The following MARCHF6 variants were observed in gnomAD, a reference collection of about 807,000 sequenced individuals.
The protein encoded by MARCHF6 is E3 ubiquitin-protein ligase MARCHF6.
MARCHF6 carries 31 observed loss-of-function variants against 133.7 expected under a neutral mutation model. That is an observed-to-expected ratio of 0.23 (90% confidence interval 0.17 to 0.31). The LOEUF (loss-of-function observed/expected upper bound fraction) is 0.31. Ranked by LOEUF, MARCHF6 falls within the 10% of genes least tolerant of loss-of-function variation. The probability of loss-of-function intolerance (pLI) is 1.00; values close to 1 mark genes in which losing one functional copy is unlikely to be tolerated. For synonymous variants in MARCHF6, 395 were observed against 402.5 expected (o/e 0.98, Z 0.22); for missense variants, 723 against 1,121.6 (o/e 0.64, Z 5.08).
chr5:10,356,588 G>T (rs1735490146), intron 1 of MARCHF6, among the ~76,000 whole-genome samples: 1 of 151,892 alleles, frequency 6.6e-6, no homozygotes, highest in African/African-American at 2.4e-5. Flanking sequence ...TAGAGATGGG[G>T]TTTCGCCATG....
In MARCHF6 at chr5:10,415,739, T is replaced by A. The variant is rs536240470; in HGVS notation, c.2148+70T>A. ...TGAATATTTTTCCAGTCATCTTAAA[T>A]TTTTTTTTTTGGCACATTTATTTCC... On this transcript the variant is annotated intron_variant, in intron 21 of 25. Transcript: ENST00000274140. 3.4e-4 allele frequency: 326 copies of A among 953,066 alleles called. No homozygotes were observed. The African/African-American group carries it at 4.8e-3, about 14-fold the overall frequency. 59.0% of individuals were successfully genotyped at this position (953,066 alleles called of 1,614,324 possible).
At chr5:10,385,222 G>A (rs945559319) in intron 4 of MARCHF6, among the ~76,000 whole-genome samples, 17 of 152,222 alleles carry the variant, frequency 1.1e-4, no homozygotes, top group African/African-American at 3.6e-4. Context: ...CTTCTGGGGA[G>A]CTGGAAGTGT....
chr5:10,383,674 A>G (rs1364460114), intron 4 of MARCHF6, among the ~76,000 whole-genome samples: 1 of 152,160 alleles, frequency 6.6e-6, no homozygotes, highest in East Asian at 1.9e-4. Context: ...ACTACCTTAA[A>G]CCTTTTTGAA....
chr5:10,415,768 C>T (rs938555061), intron 21 of MARCHF6, 99 bp downstream of exon 21: 34 of 998,288 alleles, frequency 3.4e-5, no homozygotes, highest in Middle Eastern at 6.2e-4. Flanking sequence ...TATTTCCTTA[C>T]TATATTGTTT....
At position 10,354,456 on chromosome 5, in the gene MARCHF6, G is replaced by C. The variant is rs1435536678; in HGVS notation, c.19+539G>C. On this transcript the variant is annotated intron_variant, in intron 1 of 25. Transcript: ENST00000274140. ...CTGGTCCTCGGCTTGCCTGCCGCTCGAGAATCTGTTTACTAAACGGGGAGG... is the reference window on the plus strand; with the variant it reads ...CTGGTCCTCGGCTTGCCTGCCGCTCCAGAATCTGTTTACTAAACGGGGAGG... 2.0e-5 allele frequency among the ~76,000 whole-genome samples: 3 copies of C among 152,282 alleles called. 1 individual carries two copies. The South Asian group carries it at 6.2e-4, about 32-fold the overall frequency.
chr5:10,423,397 A>G (rs937579944), intron 22 of MARCHF6, among the ~76,000 whole-genome samples: 1 of 152,260 alleles, frequency 6.6e-6, no homozygotes, highest in East Asian at 1.9e-4. Flanking sequence ...ACTTGAAACC[A>G]ATGAAATAGC....
At chr5:10,400,926 A>G (rs1738492794) in intron 11 of MARCHF6, 84 bp downstream of exon 11, 5 of 1,107,588 alleles carry the variant, frequency 4.5e-6, no homozygotes, top group East Asian at 4.8e-5. Context: ...AAAGAGTTAC[A>G]TCATTTCTTC....
chr5:10,368,340 A>G (rs945388719), intron 1 of MARCHF6, among the ~76,000 whole-genome samples: 1 of 152,180 alleles, frequency 6.6e-6, no homozygotes, highest in African/African-American at 2.4e-5. Context: ...TCAAAAGGTT[A>G]ATCACTTCTT....
intron 1 of MARCHF6, among the ~76,000 whole-genome samples, chr5:10,377,170 AC>A (rs1295590943): frequency 7.9e-5 from 12 of 151,802 alleles, no homozygotes; most frequent in African/African-American, 2.9e-4. Flanking sequence ...CGGTCCAAGG[AC>A]CCCTTAGCGC....
chr5:10,354,304 C>T (rs556911121), intron 1 of MARCHF6, among the ~76,000 whole-genome samples: 11 of 152,318 alleles, frequency 7.2e-5, no homozygotes, highest in African/African-American at 2.4e-4. Context: ...TTCTTTACGT[C>T]CTTCTGCCTA....
intron 16 of MARCHF6, 110 bp from the exon 17 acceptor site, chr5:10,406,992 G>A: frequency 3.8e-6 from 2 of 529,338 alleles, no homozygotes; most frequent in South Asian, 7.9e-5. Flanking sequence ...TGGGCTTTGA[G>A]TAGACACAGG....
In MARCHF6 at chr5:10,434,208, G is replaced by A. The variant is rs1740499096; in HGVS notation, c.*524G>A. 6.5e-6 allele frequency: 1 copy of A among 153,862 alleles called. No individual in the cohort carries two copies. Among genetic ancestry groups the A allele is most frequent in the South Asian group, 2.0e-4 (1 of 4,916 alleles). 9.5% of individuals were successfully genotyped at this position (153,862 alleles called of 1,614,324 possible). A position where few individuals can be genotyped will look rare whatever the true frequency, so the allele number is the denominator to read the frequency against. ...AGAAATCAGCAGTGGAGTGTCTGTGGTAAGAAAACATGAACTTTATGCTTC... is the reference window on the plus strand; with the variant it reads ...AGAAATCAGCAGTGGAGTGTCTGTGATAAGAAAACATGAACTTTATGCTTC... On this transcript the variant is annotated 3_prime_UTR_variant, in exon 26 of 26. Coordinates refer to ENST00000274140, the MANE Select transcript of MARCHF6 (RefSeq NM_005885.4).
chr5:10,362,069 C>T (rs559336872), intron 1 of MARCHF6, among the ~76,000 whole-genome samples: 15 of 152,212 alleles, frequency 9.9e-5, no homozygotes, highest in Middle Eastern at 3.4e-3. Flanking sequence ...GGCTGTAATA[C>T]ACTTTTTACT....
At chr5:10,365,768 C>T (rs1035822697) in intron 1 of MARCHF6, among the ~76,000 whole-genome samples, 19 of 151,928 alleles carry the variant, frequency 1.3e-4, no homozygotes, top group African/African-American at 3.6e-4. Context: ...TACTTGGGGA[C>T]GAGAAAGGAA....
intron 16 of MARCHF6, among the ~76,000 whole-genome samples, chr5:10,406,780 T>G (rs1012687365): frequency 2.6e-5 from 4 of 152,216 alleles, no homozygotes; most frequent in African/African-American, 9.6e-5. Context: ...TACAAGTGAT[T>G]TATTAAGTTG....
At chr5:10,378,607 A>G (rs1221854090) in intron 2 of MARCHF6, 152 bp from the exon 3 acceptor site, 4 of 547,114 alleles carry the variant, frequency 7.3e-6, no homozygotes, top group African/African-American at 4.0e-5. Context: ...CTTAGAAGGC[A>G]GTTACAAAAA....
intron 1 of MARCHF6, among the ~76,000 whole-genome samples, chr5:10,357,617 C>T (rs1400470819): frequency 6.6e-6 from 1 of 152,196 alleles, no homozygotes; most frequent in Non-Finnish European, 1.5e-5. Flanking sequence ...GCTAGTTCCT[C>T]TCTTTCTAGA....
intron 19 of MARCHF6, among the ~76,000 whole-genome samples, chr5:10,412,020 T>C (rs1343810337): frequency 2.0e-5 from 3 of 152,370 alleles, no homozygotes; most frequent in Middle Eastern, 3.4e-3. Flanking sequence ...ATGACTGCTA[T>C]ATGATTACAG....
At position 10,353,808 on chromosome 5, in the gene MARCHF6, C is replaced by G. The variant is rs890669173; in HGVS notation, c.-91C>G. The stretch of plus-strand genomic sequence containing the variant: ...TCGCACCTGAGCGTACGCACCTGCC[C>G]GGGCCCGGCTCCCTCCTCCTCTCCC... On this transcript the variant is annotated 5_prime_UTR_variant, in exon 1 of 26. Coordinates refer to ENST00000274140, the MANE Select transcript of MARCHF6 (RefSeq NM_005885.4). 8.1e-7 allele frequency: 1 copy of G among 1,234,894 alleles called. No individual in the cohort carries two copies. Among genetic ancestry groups the G allele is most frequent in the Admixed American group, 2.1e-5 (1 of 48,486 alleles). The allele number at this position is 1,234,894 out of a possible 1,614,324, so 76.5% of individuals were successfully genotyped here.
Sources: allele counts gnomAD v4.1 joint callset (sites outside exome capture counted in the v4.1 genomes callset), GRCh38; gene constraint gnomAD v4.1.1; transcripts MANE v1.5; gene names NCBI Gene and HGNC (gene_info 2026-07-23, HGNC 2026-07-21).